The following CATSPERB variants were observed in gnomAD, a reference collection of about 807,000 sequenced individuals.
CATSPERB encodes cation channel sperm-associated auxiliary subunit beta.
A neutral mutation model predicts 128.3 loss-of-function variants in CATSPERB; 93 were observed. The ratio of observed to expected loss-of-function variants is 0.72; its 90% CI spans 0.61 to 0.86. CATSPERB has a LOEUF of 0.86. Ranked by LOEUF, CATSPERB falls within the 40% of genes least tolerant of loss-of-function variation. The pLI is 0.00. For missense variants in CATSPERB, 1,153 were observed against 1,329.5 expected, an observed-to-expected ratio of 0.87 and a Z score of 2.06; for synonymous variants, 381 against 448.8, an observed-to-expected ratio of 0.85 and a Z score of 1.91.
At chr14:91,681,233 T>C (rs1031258006) in intron 11 of CATSPERB, among the ~76,000 whole-genome samples, 11 of 152,204 alleles carry the variant, frequency 7.2e-5, no homozygotes, top group Non-Finnish European at 1.3e-4. Context: ...TACTTTCTTA[T>C]TGATATGGGG....
intron 5 of CATSPERB, among the ~76,000 whole-genome samples, chr14:91,712,381 A>G (rs1239522636): frequency 6.6e-6 from 1 of 152,224 alleles, no homozygotes; most frequent in East Asian, 1.9e-4. Context: ...TGAGCTATGC[A>G]TAGATTTTAA....
intron 6 of CATSPERB, among the ~76,000 whole-genome samples, chr14:91,704,904 G>A (rs372479594): frequency 6.6e-6 from 1 of 152,234 alleles, no homozygotes; most frequent in Non-Finnish European, 1.5e-5. Context: ...TCCCCTTGGT[G>A]GGGGGCTGGC....
intron 7 of CATSPERB, among the ~76,000 whole-genome samples, chr14:91,702,698 A>ACACC (rs1194985035): frequency 9.2e-5 from 14 of 151,580 alleles, no homozygotes; most frequent in African/African-American, 2.9e-4. Context: ...ACACACACAC[A>ACACC]CACACACAAA....
intron 26 of CATSPERB, among the ~76,000 whole-genome samples, chr14:91,585,286 AT>A (rs1237171602): frequency 1.3e-5 from 2 of 152,036 alleles, no homozygotes; most frequent in East Asian, 1.9e-4. Context: ...AAGTGCTGGG[AT>A]TTTTTTCCCC....
Position 91,639,086 on chromosome 14 carries a change from A to T in CATSPERB, c.1587+10T>A. ...ATAAGGCAAACTGTTTCAATGCATT[A>T]TATACTGACCTGTCCAAAAAGATTT... On this transcript the variant is annotated intron_variant, in intron 16 of 26. Coordinates refer to ENST00000256343, the MANE Select transcript of CATSPERB (RefSeq NM_024764.4). The T allele has an allele frequency of 6.2e-7, 1 of 1,611,566 alleles. No individual in the cohort carries two copies. The highest frequency in any genetic ancestry group is 8.5e-7 in the Non-Finnish European group (1 of 1,178,902).
At chr14:91,728,250 G>C (rs897641720) in intron 2 of CATSPERB, among the ~76,000 whole-genome samples, 1 of 152,070 alleles carries the variant, frequency 6.6e-6, no homozygotes, top group African/African-American at 2.4e-5. Context: ...GAGTAGCTGG[G>C]ACTGCAGGTG....
At chr14:91,662,277 T>C (rs1894900157) in intron 14 of CATSPERB, among the ~76,000 whole-genome samples, 1 of 152,186 alleles carries the variant, frequency 6.6e-6, no homozygotes, top group Admixed American at 6.5e-5. Flanking sequence ...ATTTTACTTA[T>C]TTTTGCTCCT....
intron 10 of CATSPERB, among the ~76,000 whole-genome samples, chr14:91,691,267 A>G (rs1272457175): frequency 6.6e-6 from 1 of 152,188 alleles, no homozygotes; most frequent in East Asian, 1.9e-4. Context: ...GGTGGGGGTG[A>G]CCTCTGAAAC....
chr14:91,661,356 T>G (rs190584879), intron 14 of CATSPERB, among the ~76,000 whole-genome samples: 1 of 152,054 alleles, frequency 6.6e-6, no homozygotes, highest in African/African-American at 2.4e-5. Context: ...ATACTTGAGA[T>G]AGTCTACTTT....
At chr14:91,698,256 T>G (rs1362378358) in intron 7 of CATSPERB, among the ~76,000 whole-genome samples, 1 of 152,196 alleles carries the variant, frequency 6.6e-6, no homozygotes, top group East Asian at 1.9e-4. Context: ...TGAAATTGTT[T>G]ACCAGTTCTA....
intron 7 of CATSPERB, among the ~76,000 whole-genome samples, chr14:91,697,463 T>C (rs1262051592): frequency 6.6e-6 from 1 of 152,168 alleles, no homozygotes; most frequent in African/African-American, 2.4e-5. Context: ...ACGATGCAGA[T>C]ACTACGGATT....
chr14:91,705,425 T>C (rs967118569), intron 6 of CATSPERB, among the ~76,000 whole-genome samples: 2 of 152,184 alleles, frequency 1.3e-5, no homozygotes, highest in African/African-American at 4.8e-5. Context: ...TTCTGCAAGA[T>C]AGAAGTTGGG....
chr14:91,697,515 A>C (rs1382609372), intron 7 of CATSPERB, among the ~76,000 whole-genome samples: 1 of 152,174 alleles, frequency 6.6e-6, no homozygotes, highest in Non-Finnish European at 1.5e-5. Context: ...CAAGAGTTTA[A>C]TCATTTACAT....
intron 14 of CATSPERB, among the ~76,000 whole-genome samples, chr14:91,666,439 C>T (rs1894984904): frequency 6.6e-6 from 1 of 152,188 alleles, no homozygotes; most frequent in Admixed American, 6.5e-5. Flanking sequence ...AACCTTAAAG[C>T]AGGCCCTAGT....
At position 91,589,561 on chromosome 14, in the gene CATSPERB, C is replaced by T. The variant is rs1893360405; in HGVS notation, c.2929G>A (p.Val977Met). The T allele has an allele frequency of 1.2e-6, 2 of 1,613,636 alleles. No individual in the cohort carries two copies. Among genetic ancestry groups the T allele is most frequent in the Non-Finnish European group, 1.7e-6 (2 of 1,179,788 alleles). The change falls in exon 24 of 27, where the codon GTG becomes ATG. Residue 977 changes from valine to methionine, a missense_variant. By Grantham distance (21) the Val-to-Met change is conservative. Transcript: ENST00000256343. ...AGTTTCCAGTTGTGCCTCATGTTCA[C>T]TTCAGTCACAGTAACCAGATATGGA... ...QSPYLVTVTE[V>M]NMRHNWKLKH... is the part of the protein sequence containing the mutation.
intron 13 of CATSPERB, among the ~76,000 whole-genome samples, chr14:91,671,559 C>A (rs60867771): frequency 0.39 from 58,568 of 151,556 alleles, 11,489 homozygotes; most frequent in Middle Eastern, 0.5. Context: ...CCATTGCACT[C>A]CAGCCTGGGC....
chr14:91,700,589 T>A (rs187897779), intron 7 of CATSPERB, among the ~76,000 whole-genome samples: 1 of 152,258 alleles, frequency 6.6e-6, no homozygotes, highest in Non-Finnish European at 1.5e-5. Context: ...ACCTAAGTAC[T>A]CATCAATGGT....
chr14:91,716,131 A>G (rs924959265), intron 5 of CATSPERB, among the ~76,000 whole-genome samples: 1 of 152,232 alleles, frequency 6.6e-6, no homozygotes, highest in African/African-American at 2.4e-5. Flanking sequence ...AGAGATGAAA[A>G]GACAACCCCA....
At chr14:91,660,987 G>A (rs531107644) in intron 14 of CATSPERB, among the ~76,000 whole-genome samples, 2 of 152,132 alleles carry the variant, frequency 1.3e-5, no homozygotes, top group African/African-American at 4.8e-5. Context: ...TGCTTACTGG[G>A]CCTGAATATT....
Sources: gnomAD v4.1 joint callset for allele counts (sites outside exome capture counted in the v4.1 genomes callset) on GRCh38, gnomAD v4.1.1 for gene constraint, MANE v1.5 for transcripts, NCBI Gene and HGNC (gene_info 2026-07-23, HGNC 2026-07-21) for gene names.